Variants in FAM227A observed in about 807,000 individuals in gnomAD.
The protein encoded by FAM227A is protein FAM227A.
In FAM227A, 80 loss-of-function variants were observed where a neutral mutation model predicts 74.7. The ratio of observed to expected loss-of-function variants is 1.07; its 90% confidence interval spans 0.89 to 1.29. FAM227A has a LOEUF of 1.29. Ranked by LOEUF, FAM227A falls within the 50% of genes most tolerant of loss-of-function variation. The probability of loss-of-function intolerance (pLI) is 0.00; values close to 1 mark genes in which losing one functional copy is unlikely to be tolerated. For synonymous variants in FAM227A, 237 were observed against 241.8 expected, an observed-to-expected ratio of 0.98 and a Z score of 0.19; for missense variants, 654 against 683.4, an observed-to-expected ratio of 0.96 and a Z score of 0.48.
At position 38,583,136 on chromosome 22, in the gene FAM227A, C is replaced by A; in HGVS notation, c.*2989G>T. 3.5e-6 allele frequency: 2 copies of A among 578,282 alleles called. No homozygotes were observed. The highest frequency in any genetic ancestry group is 6.0e-6 in the Non-Finnish European group (2 of 334,990). The allele number at this position is 578,282 out of a possible 1,614,324, so 35.8% of individuals were successfully genotyped here. Reference sequence around the variant, plus strand: ...GCCCCACATGGTGCCTTGTACTCGGCAGGTGCTCACACGTTCTGGTTTCAG... The same window carrying A: ...GCCCCACATGGTGCCTTGTACTCGGAAGGTGCTCACACGTTCTGGTTTCAG... On this transcript the variant is annotated 3_prime_UTR_variant, in exon 17 of 17. Transcript: ENST00000535113.
In FAM227A at chr22:38,656,111, C is replaced by T. The variant is rs6001184; in HGVS notation, c.-95+9G>A. The T allele has an allele frequency of 0.29, 44,863 of 152,098 alleles. 6,709 individuals are homozygous for T. Among genetic ancestry groups the T allele is most frequent in the East Asian group, 0.36 (1,852 of 5,152 alleles). The allele number at this position is 152,098 out of a possible 1,614,324, so 9.4% of individuals were successfully genotyped here. On this transcript the variant is annotated intron_variant, in intron 1 of 16. Transcript: ENST00000535113. ...GGTGGGTCATGGTGCGTCTGTCCGT[C>T]CGTCTTACCTGAAAGCATCGGCGGA... is the stretch of plus-strand genomic sequence containing the variant.
chr22:38,583,090 G>C lies in FAM227A; in HGVS notation c.*3035C>G. ...GTGGCTGGGGTAGTAAAGGGAAGGTGAGAGAGTGTTCTGCTTATCTGCCCC... is the reference window on the plus strand; with the variant it reads ...GTGGCTGGGGTAGTAAAGGGAAGGTCAGAGAGTGTTCTGCTTATCTGCCCC... On this transcript the variant is annotated 3_prime_UTR_variant, in exon 17 of 17. Coordinates refer to ENST00000535113, the MANE Select transcript of FAM227A (RefSeq NM_001013647.2). The C allele has an allele frequency of 1.1e-6, 1 of 914,238 alleles. No homozygotes were observed. Among genetic ancestry groups the C allele is most frequent in the East Asian group, 2.7e-5 (1 of 37,556 alleles). 56.6% of individuals were successfully genotyped at this position (914,238 alleles called of 1,614,324 possible).
At position 38,582,999 on chromosome 22, in the gene FAM227A, AAC is replaced by A; in HGVS notation, c.*3124_*3125del. 1 of 1,536,206 alleles carries A rather than the reference AAC, an allele frequency of 6.5e-7. No individual in the cohort carries two copies. The highest frequency in any genetic ancestry group is 8.8e-7 in the Non-Finnish European group (1 of 1,135,146). ...AGGCATTTTCAGGTCCAGAAGCAGC[AAC>A]AGACAAAAGATCCAGAAATAGGAAA... On this transcript the variant is annotated 3_prime_UTR_variant, in exon 17 of 17. Transcript: ENST00000535113.
Position 38,582,590 on chromosome 22 carries a change from A to G in FAM227A, c.*3535T>C. On this transcript the variant is annotated 3_prime_UTR_variant, in exon 17 of 17. Coordinates refer to ENST00000535113, the MANE Select transcript of FAM227A (RefSeq NM_001013647.2). ...GGCAGAGACAGGTTTCTTCATATTTAACATCCTGAGAGGCTACAACTCTGA... is the reference window on the plus strand; with the variant it reads ...GGCAGAGACAGGTTTCTTCATATTTGACATCCTGAGAGGCTACAACTCTGA... 1.3e-6 allele frequency: 1 copy of G among 764,412 alleles called. No homozygotes were observed. Among genetic ancestry groups the G allele is most frequent in the East Asian group, 2.7e-5 (1 of 37,362 alleles). The allele number at this position is 764,412 out of a possible 1,614,324, so 47.4% of individuals were successfully genotyped here. A position where few individuals can be genotyped will look rare whatever the true frequency, so the allele number is the denominator to read the frequency against.
At position 38,591,512 on chromosome 22, in the gene FAM227A, C is replaced by T. The variant is rs527799253; in HGVS notation, c.1561G>A (p.Ala521Thr). 10 of 1,547,124 alleles carry T rather than the reference C, an allele frequency of 6.5e-6. No individual in the cohort carries two copies. Among genetic ancestry groups the T allele is most frequent in the South Asian group, 4.8e-5 (4 of 83,052 alleles). Residue 521 changes from alanine (A) to threonine (T), a missense_variant, in exon 16 of 17, where the codon GCA becomes ACA. Transcript: ENST00000535113. ...REMKNIDPKA[A>T]DTKKANHMFI... ...ATGTGGTTTGCCTTTTTTGTATCTG[C>T]TGCTTTTGGATCAATATTCTTCATT...
chr22:38,628,768 G>C, intron 7 of FAM227A, 66 bp downstream of exon 7: 1 of 973,372 alleles, frequency 1.0e-6, no homozygotes, highest in South Asian at 1.5e-5. Context: ...ATGTCAAAGA[G>C]AATGGAATTT....
Position 38,611,775 on chromosome 22 carries a change from T to G in FAM227A, c.1039-4299A>C, listed in dbSNP as rs150305433. 1.2e-4 allele frequency among the ~76,000 whole-genome samples: 19 copies of G among 152,288 alleles called. No homozygotes were observed. The East Asian group carries it at 3.7e-3, about 29-fold the overall frequency. ...CATATTTTGGCTTGGGTAGAAATTGTTCTCTCTGTAAGCCAGGTCTCTCCT... is the reference window on the plus strand; with the variant it reads ...CATATTTTGGCTTGGGTAGAAATTGGTCTCTCTGTAAGCCAGGTCTCTCCT... On this transcript the variant is annotated intron_variant, in intron 11 of 16. Transcript: ENST00000535113.
At chr22:38,650,883 T>C (rs959470050) in intron 1 of FAM227A, among the ~76,000 whole-genome samples, 4 of 152,160 alleles carry the variant, frequency 2.6e-5, no homozygotes, top group South Asian at 4.1e-4. Flanking sequence ...GTCCAGAGTC[T>C]AGTGTGATAG....
At chr22:38,607,555 C>A in intron 11 of FAM227A, 79 bp from the exon 12 acceptor site, 1 of 964,212 alleles carries the variant, frequency 1.0e-6, no homozygotes, top group African/African-American at 1.6e-5. Flanking sequence ...GAGAGAAATA[C>A]AAAAAAGTAA....
intron 11 of FAM227A, among the ~76,000 whole-genome samples, chr22:38,613,356 T>G (rs1243360583): frequency 5.7e-5 from 4 of 70,162 alleles, no homozygotes; most frequent in African/African-American, 2.4e-4. Flanking sequence ...TATTATATAA[T>G]ATATATCATA....
At chr22:38,639,604 A>G in intron 4 of FAM227A, 51 bp downstream of exon 4, 3 of 1,535,484 alleles carry the variant, frequency 2.0e-6, no homozygotes, top group South Asian at 1.2e-5. Flanking sequence ...TTAGATACTA[A>G]AAAAACAAAC....
At chr22:38,587,863 A>G (rs946027802) in intron 16 of FAM227A, among the ~76,000 whole-genome samples, 1 of 152,258 alleles carries the variant, frequency 6.6e-6, no homozygotes, top group Admixed American at 6.5e-5. Flanking sequence ...ATTATACACT[A>G]GGAACAAGTG....
At chr22:38,594,690 C>A (rs146033331) in intron 15 of FAM227A, among the ~76,000 whole-genome samples, 1 of 152,050 alleles carries the variant, frequency 6.6e-6, no homozygotes, top group Non-Finnish European at 1.5e-5. Context: ...TGGCCGGGTG[C>A]GGTGGCTCAT....
chr22:38,646,261 T>C (rs1417152935), intron 2 of FAM227A, among the ~76,000 whole-genome samples: 30 of 127,870 alleles, frequency 2.3e-4, no homozygotes, highest in Non-Finnish European at 4.3e-4. Context: ...TTTTTTTTTT[T>C]TTTTTTTTTT....
intron 9 of FAM227A, among the ~76,000 whole-genome samples, chr22:38,625,969 G>C (rs1697643668): frequency 1.3e-5 from 2 of 150,462 alleles, no homozygotes; most frequent in African/African-American, 4.9e-5. Context: ...AAAAGGATTA[G>C]GAAGGGATGT....
intron 3 of FAM227A, among the ~76,000 whole-genome samples, chr22:38,644,656 T>C (rs182718019): frequency 1.1e-4 from 16 of 152,282 alleles, no homozygotes; most frequent in African/African-American, 3.6e-4. Context: ...ACAATGTAGG[T>C]CCGTTAATTC....
chr22:38,596,214 G>A (rs754506744), intron 15 of FAM227A, among the ~76,000 whole-genome samples: 1 of 152,106 alleles, frequency 6.6e-6, no homozygotes, highest in Non-Finnish European at 1.5e-5. Flanking sequence ...CCAGCTACTC[G>A]GGAGGCTGAG....
intron 6 of FAM227A, among the ~76,000 whole-genome samples, chr22:38,635,438 A>G (rs185383755): frequency 7.3e-4 from 111 of 152,128 alleles, no homozygotes; most frequent in Non-Finnish European, 1.1e-3. Flanking sequence ...TGTGATGAAG[A>G]GCCATGAGGC....
intron 2 of FAM227A, among the ~76,000 whole-genome samples, chr22:38,647,582 G>A (rs770562005): frequency 6.6e-6 from 1 of 152,170 alleles, no homozygotes; most frequent in South Asian, 2.1e-4. Flanking sequence ...AGATGACGGC[G>A]TCAAAGGGTA....
Sources: allele counts gnomAD v4.1 joint callset (sites outside exome capture counted in the v4.1 genomes callset), GRCh38; gene constraint gnomAD v4.1.1; transcripts MANE v1.5; gene names NCBI Gene and HGNC (gene_info 2026-07-23, HGNC 2026-07-21).